Variants in CFAP96 observed in about 807,000 individuals in gnomAD.
CFAP96 encodes the protein cilia-and flagella-associated protein 96.
the CFAP96 span, among the ~76,000 whole-genome samples, chr4:185,417,930 G>C: frequency 3.9e-5 from 6 of 152,036 alleles, no homozygotes; most frequent in East Asian, 1.2e-3. Context: ...TGTAATCCCA[G>C]CTACTCAGGA....
At chr4:185,441,809 A>C in the CFAP96 span, among the ~76,000 whole-genome samples, 1 of 152,082 alleles carries the variant, frequency 6.6e-6, no homozygotes, top group African/African-American at 2.4e-5. Flanking sequence ...CACTTTGGGC[A>C]GGGGGTGAAA....
the CFAP96 span, chr4:185,418,613 A>G: frequency 1.2e-6 from 2 of 1,613,554 alleles, no homozygotes. Flanking sequence ...TGTTCTTACA[A>G]GCAGAAGCAT....
the CFAP96 span, chr4:185,436,459 C>T: frequency 1.2e-6 from 1 of 863,078 alleles, no homozygotes. Flanking sequence ...CATCTGTAAT[C>T]CCAGCACTTG....
At chr4:185,425,514 C>T in the CFAP96 span, among the ~76,000 whole-genome samples, 1 of 152,138 alleles carries the variant, frequency 6.6e-6, no homozygotes, top group Non-Finnish European at 1.5e-5. Flanking sequence ...AGGGAAATAC[C>T]ACGGGAACTA....
chr4:185,418,429 T>C, the CFAP96 span: 78 of 1,584,656 alleles, frequency 4.9e-5, no homozygotes, highest in Non-Finnish European at 5.7e-5. Flanking sequence ...AGAAGACAGA[T>C]AGTTTGCTTA....
the CFAP96 span, chr4:185,413,699 C>T: frequency 6.3e-7 from 1 of 1,588,524 alleles, no homozygotes; most frequent in Non-Finnish European, 8.5e-7. Context: ...GATCCAGTGA[C>T]TCCCATAAAT....
chr4:185,425,888 C>G, the CFAP96 span: 4 of 1,598,650 alleles, frequency 2.5e-6, no homozygotes, highest in Non-Finnish European at 3.4e-6. Flanking sequence ...GTGGCGGTGA[C>G]ACGGGCGCTG....
chr4:185,429,517 T>C, the CFAP96 span: 1 of 1,486,740 alleles, frequency 6.7e-7, no homozygotes, highest in Non-Finnish European at 9.1e-7. Context: ...TAATCGTAAG[T>C]ATATTTGCTT....
chr4:185,429,356 C>T, the CFAP96 span: 39 of 1,036,524 alleles, frequency 3.8e-5, no homozygotes, highest in East Asian at 9.3e-5. Context: ...AAACACGTGA[C>T]CCTAGGGAAA....
At chr4:185,434,436 T>C in the CFAP96 span, among the ~76,000 whole-genome samples, 1 of 152,194 alleles carries the variant, frequency 6.6e-6, no homozygotes, top group Non-Finnish European at 1.5e-5. Context: ...AATAACTTTT[T>C]CCTAGTTTTC....
chr4:185,422,521 C>A, the CFAP96 span: 2 of 1,611,610 alleles, frequency 1.2e-6, no homozygotes. Flanking sequence ...AAATCAAGGC[C>A]TCCTCTTATT....
chr4:185,418,865 T>C, the CFAP96 span: 2 of 929,884 alleles, frequency 2.2e-6, no homozygotes, highest in African/African-American at 3.3e-5. Context: ...AGTAAAACTC[T>C]CAATACCTAT....
chr4:185,415,934 AAG>A, the CFAP96 span: 10 of 1,319,642 alleles, frequency 7.6e-6, no homozygotes, highest in Non-Finnish European at 1.0e-5. Flanking sequence ...AGTAAGTAAA[AAG>A]ACTTTTCAAA....
At chr4:185,440,581 AT>A in the CFAP96 span, 1 of 1,535,752 alleles carries the variant, frequency 6.5e-7, no homozygotes, top group South Asian at 1.2e-5. Context: ...AAGGAGCACC[AT>A]TTAAGTTAAA....
the CFAP96 span, among the ~76,000 whole-genome samples, chr4:185,427,714 A>G: frequency 4.9e-5 from 7 of 143,596 alleles, no homozygotes; most frequent in South Asian, 1.6e-3. Flanking sequence ...GAGCTGAGAT[A>G]GCGCCTCTGC....
the CFAP96 span, among the ~76,000 whole-genome samples, chr4:185,422,172 C>G: frequency 6.6e-6 from 1 of 152,196 alleles, no homozygotes; most frequent in Non-Finnish European, 1.5e-5. Flanking sequence ...GCAAGTCTGT[C>G]ATGTACAATT....
the CFAP96 span, chr4:185,436,489 A>G: frequency 3.3e-6 from 2 of 608,476 alleles, no homozygotes; most frequent in Non-Finnish European, 5.8e-6. Flanking sequence ...AGATGGGCGG[A>G]TCACGAGGTC....
the CFAP96 span, chr4:185,445,348 C>T: frequency 1.4e-6 from 1 of 729,340 alleles, no homozygotes; most frequent in African/African-American, 1.8e-5. Flanking sequence ...CTTAAGTTAT[C>T]TGCACCAAAC....
At chr4:185,443,928 T>C in the CFAP96 span, among the ~76,000 whole-genome samples, 2 of 2,286 alleles carry the variant, frequency 8.7e-4, no homozygotes, top group African/African-American at 1.5e-3. Context: ...TTTCTTTTTT[T>C]TTTTTTTTTT....
Sources: gnomAD v4.1 joint callset for allele counts (sites outside exome capture counted in the v4.1 genomes callset) on GRCh38, gnomAD v4.1.1 for gene constraint, MANE v1.5 for transcripts, NCBI Gene and HGNC (gene_info 2026-07-23, HGNC 2026-07-21) for gene names.